CYP4Z1: variants seen among roughly 807,000 people sequenced by gnomAD.
The protein encoded by CYP4Z1 is cytochrome P450 4Z1.
In CYP4Z1, 41 loss-of-function variants were observed where a neutral mutation model predicts 54.2. The observed-to-expected ratio is 0.76, with a 90% CI of 0.59 to 0.98. CYP4Z1 has a LOEUF of 0.98. CYP4Z1 is among the 50% of genes least tolerant of loss of function. The pLI, the probability that CYP4Z1 is intolerant of heterozygous loss-of-function variation, is 0.00. For missense variants in CYP4Z1, 513 were observed against 599.0 expected (o/e 0.86, Z 1.50); for synonymous variants, 163 against 206.2 (o/e 0.79, Z 1.79).
intron 8 of CYP4Z1, among the ~76,000 whole-genome samples, chr1:47,101,381 C>T (rs771232005): frequency 6.6e-6 from 1 of 152,070 alleles, no homozygotes. Flanking sequence ...GCTGTAGGCA[C>T]TTATTACTAT....
chr1:47,096,389 C>A (rs1342376783), intron 7 of CYP4Z1, among the ~76,000 whole-genome samples: 2 of 152,086 alleles, frequency 1.3e-5, no homozygotes, highest in African/African-American at 4.8e-5. Flanking sequence ...TGTGACAGAG[C>A]AAGATATCGA....
the CYP4Z1 span, among the ~76,000 whole-genome samples, chr1:47,061,351 C>T: frequency 2.0e-5 from 3 of 152,008 alleles, no homozygotes; most frequent in Non-Finnish European, 4.4e-5. Flanking sequence ...AAAGAGGATG[C>T]TACCACTGAC....
upstream of CYP4Z1, among the ~76,000 whole-genome samples, chr1:47,064,032 C>G (rs1392764015): frequency 1.5e-4 from 23 of 150,432 alleles, no homozygotes; most frequent in Admixed American, 1.5e-3. Flanking sequence ...ATCAGATTAA[C>G]AGCAGATTTC....
At chr1:47,103,137 T>C (rs1401498885) in intron 8 of CYP4Z1, among the ~76,000 whole-genome samples, 1 of 152,022 alleles carries the variant, frequency 6.6e-6, no homozygotes, top group Non-Finnish European at 1.5e-5. Flanking sequence ...AAATGTATTT[T>C]GTATTTCATT....
intron 1 of CYP4Z1, 111 bp downstream of exon 1, chr1:47,067,778 A>C: frequency 1.0e-6 from 1 of 981,136 alleles, no homozygotes; most frequent in Non-Finnish European, 1.4e-6. Context: ...CTTTCACACC[A>C]ATCTCATTGT....
At chr1:47,062,261 A>G (rs566984807), upstream of CYP4Z1, among the ~76,000 whole-genome samples, 53 of 152,342 alleles carry the variant, frequency 3.5e-4, 2 homozygotes, top group South Asian at 8.9e-3. Context: ...CTTGGACAGA[A>G]CAGTGTGTGA....
At chr1:47,112,350 A>C (rs1265847960) in intron 9 of CYP4Z1, among the ~76,000 whole-genome samples, 1 of 152,220 alleles carries the variant, frequency 6.6e-6, no homozygotes, top group Non-Finnish European at 1.5e-5. Flanking sequence ...TTTTCACAGG[A>C]CTAGAGAAAA....
At chr1:47,115,974 CTT>C (rs1426430870) in intron 10 of CYP4Z1, among the ~76,000 whole-genome samples, 2 of 152,138 alleles carry the variant, frequency 1.3e-5, no homozygotes, top group African/African-American at 4.8e-5. Context: ...ATTATGGACT[CTT>C]TGCTTTTTTT....
chr1:47,102,266 T>A (rs1644727104), intron 8 of CYP4Z1, among the ~76,000 whole-genome samples: 1 of 152,224 alleles, frequency 6.6e-6, no homozygotes, highest in South Asian at 2.1e-4. Context: ...ATTACTGATA[T>A]GTGATGGCAT....
At chr1:47,077,442 C>G (rs1340926613) in intron 2 of CYP4Z1, among the ~76,000 whole-genome samples, 2 of 151,978 alleles carry the variant, frequency 1.3e-5, no homozygotes, top group Admixed American at 6.6e-5. Flanking sequence ...TACTTTTAAC[C>G]TCTTTGTTTC....
upstream of CYP4Z1, among the ~76,000 whole-genome samples, chr1:47,064,950 G>A (rs1644442019): frequency 1.3e-5 from 2 of 152,030 alleles, no homozygotes; most frequent in Non-Finnish European, 2.9e-5. Context: ...AAGACAAAAA[G>A]GGACATTATA....
At chr1:47,082,226 C>A in intron 3 of CYP4Z1, 108 bp from the exon 4 acceptor site, 1 of 1,378,324 alleles carries the variant, frequency 7.3e-7, no homozygotes, top group African/African-American at 1.4e-5. Flanking sequence ...GCTCTGTCCA[C>A]TCTAACTTTT....
At chr1:47,111,864 C>T (rs1569759785) in intron 9 of CYP4Z1, among the ~76,000 whole-genome samples, 1 of 152,114 alleles carries the variant, frequency 6.6e-6, no homozygotes, top group Non-Finnish European at 1.5e-5. Flanking sequence ...TTTGTTTAAT[C>T]CATTAAAAAC....
intron 9 of CYP4Z1, among the ~76,000 whole-genome samples, chr1:47,107,543 G>A (rs140630273): frequency 6.6e-6 from 1 of 152,026 alleles, no homozygotes; most frequent in African/African-American, 2.4e-5. Flanking sequence ...CGCCCACCTA[G>A]TTGCTCCAAC....
chr1:47,114,281 T>C (rs1156763862), intron 9 of CYP4Z1, among the ~76,000 whole-genome samples: 3 of 152,198 alleles, frequency 2.0e-5, no homozygotes, highest in African/African-American at 7.2e-5. Flanking sequence ...TTACACCTTA[T>C]ACAAAAATTA....
At chr1:47,096,332 A>G (rs1052969929) in intron 7 of CYP4Z1, among the ~76,000 whole-genome samples, 1 of 152,226 alleles carries the variant, frequency 6.6e-6, no homozygotes, top group African/African-American at 2.4e-5. Flanking sequence ...TGGGAGGATC[A>G]CTTGAACAGG....
chr1:47,065,031 G>A (rs758878889), upstream of CYP4Z1, among the ~76,000 whole-genome samples: 12 of 152,000 alleles, frequency 7.9e-5, no homozygotes, highest in East Asian at 1.9e-4. Flanking sequence ...ACACTGAAAC[G>A]CCCAAATTTA....
chr1:47,101,689 T>A (rs1644722857), intron 8 of CYP4Z1, among the ~76,000 whole-genome samples: 1 of 152,164 alleles, frequency 6.6e-6, no homozygotes, highest in South Asian at 2.1e-4. Flanking sequence ...TGGAAAATAT[T>A]CCATGTGCTG....
At chr1:47,060,768 A>C in the CYP4Z1 span, among the ~76,000 whole-genome samples, 1 of 152,216 alleles carries the variant, frequency 6.6e-6, no homozygotes, top group South Asian at 2.1e-4. Context: ...TCATTGCCAC[A>C]TGACACATAC....
Sources: gnomAD v4.1 joint callset for allele counts (sites outside exome capture counted in the v4.1 genomes callset) on GRCh38, gnomAD v4.1.1 for gene constraint, MANE v1.5 for transcripts, NCBI Gene and HGNC (gene_info 2026-07-23, HGNC 2026-07-21) for gene names.